Variants in ERN1 observed in about 807,000 individuals in gnomAD.
ERN1 encodes the protein serine/threonine-protein kinase/endoribonuclease IRE1.
ERN1 carries 39 observed loss-of-function variants against 113.1 expected under a neutral mutation model. The ratio of observed to expected loss-of-function variants is 0.34; its 90% CI spans 0.27 to 0.45. The LOEUF (loss-of-function observed/expected upper bound fraction) is 0.45. ERN1 is among the 20% of genes least tolerant of loss of function. ERN1 has a pLI of 1.00. For synonymous variants in ERN1, 507 were observed against 515.9 expected (o/e 0.98, Z 0.23); for missense variants, 976 against 1,274.8 (o/e 0.77, Z 3.57).
intron 11 of ERN1, among the ~76,000 whole-genome samples, chr17:64,058,556 G>A (rs1181584869): frequency 3.9e-5 from 6 of 152,168 alleles, no homozygotes; most frequent in African/African-American, 1.4e-4. Flanking sequence ...AGCATCAGAA[G>A]CGTTTGTTAA....
Position 64,067,941 on chromosome 17 carries a change from G to A in ERN1, c.580+249C>T, listed in dbSNP as rs577860262. 534 of 428,944 alleles carry A rather than the reference G, an allele frequency of 1.2e-3. 7 individuals are homozygous for A. The South Asian group carries it at 0.018, about 15-fold the overall frequency. 26.6% of individuals were successfully genotyped at this position (428,944 alleles called of 1,614,324 possible). ...CTTCTGTGACATAGAAAGACTCAACGAGGGATGTCCTCCTTCCTCTCTGGC... is the reference window on the plus strand; with the variant it reads ...CTTCTGTGACATAGAAAGACTCAACAAGGGATGTCCTCCTTCCTCTCTGGC... On this transcript the variant is annotated intron_variant, in intron 7 of 21. Transcript: ENST00000433197.
intron 12 of ERN1, 22 bp from the exon 13 acceptor site, chr17:64,055,970 C>A: frequency 6.6e-7 from 1 of 1,516,466 alleles, no homozygotes; most frequent in Non-Finnish European, 8.8e-7. Context: ...AACCCACATC[C>A]AGACAAGGGC....
intron 11 of ERN1, among the ~76,000 whole-genome samples, chr17:64,058,300 A>C (rs79103511): frequency 6.6e-6 from 1 of 152,136 alleles, no homozygotes; most frequent in Non-Finnish European, 1.5e-5. Context: ...AAAGGCAAAC[A>C]CTTCCTCCTT....
chr17:64,099,372 A>G (rs1364429927), intron 1 of ERN1, among the ~76,000 whole-genome samples: 2 of 151,870 alleles, frequency 1.3e-5, no homozygotes, highest in African/African-American at 4.8e-5. Flanking sequence ...GCACATGTAC[A>G]CACGGACGCA....
At position 64,063,953 on chromosome 17, in the gene ERN1, C is replaced by A; in HGVS notation, c.1087+33G>T. 1 of 1,606,744 alleles carries A rather than the reference C, an allele frequency of 6.2e-7. No individual in the cohort carries two copies. The highest frequency in any genetic ancestry group is 2.2e-5 in the East Asian group (1 of 44,828). ...CGCCCACCAGGAGGCAGCACGCTGT[C>A]ACCTCAGGCTACTGTGGGAGACCTG... On this transcript the variant is annotated intron_variant, in intron 10 of 21. Transcript: ENST00000433197. The surrounding 1 kb of genome is among the most constrained non-coding windows in gnomAD (Gnocchi z 5.1).
rs764093163 is a variant in ERN1, at chr17:64,053,379, A to G, written c.1954-8T>C. ...GTCCTTCTGCTCCACATACTGCAAA[A>G]GACATGACAGCAAGGTCACGGCACA... On this transcript the variant is annotated splice_polypyrimidine_tract_variant and splice_region_variant and intron_variant, in intron 15 of 21. Coordinates refer to ENST00000433197, the MANE Select transcript of ERN1 (RefSeq NM_001433.5). 3.8e-6 allele frequency: 6 copies of G among 1,587,048 alleles called. No homozygotes were observed. Among genetic ancestry groups the G allele is most frequent in the African/African-American group, 1.3e-5 (1 of 74,220 alleles).
chr17:64,068,286 T>C lies in ERN1; in HGVS notation c.484A>G (p.Thr162Ala). 1.2e-6 allele frequency: 2 copies of C among 1,610,918 alleles called. No homozygotes were observed. The highest frequency in any genetic ancestry group is 8.5e-7 in the Non-Finnish European group (1 of 1,178,404). The change falls in exon 7 of 22, where the codon ACC becomes GCC. Residue 162 changes from threonine (T) to alanine (A), a missense_variant. Physicochemically the swap from Thr to Ala is moderately conservative, Grantham distance 58. Coordinates refer to ENST00000433197, the MANE Select transcript of ERN1 (RefSeq NM_001433.5). The stretch of plus-strand genomic sequence containing the variant: ...GTTTTGGTGTCGTACATGGTGATGG[T>C]GTATTCTAAAGAACACAGACCAGCC... ...SLLYLGRTEY[T>A]ITMYDTKTRE...
intron 1 of ERN1, among the ~76,000 whole-genome samples, chr17:64,106,148 T>G (rs755075064): frequency 1.3e-5 from 2 of 152,220 alleles, no homozygotes; most frequent in South Asian, 4.1e-4. Context: ...TACTGGATGG[T>G]TGGCACAGAG....
At chr17:64,085,526 C>T (rs1244532775) in intron 2 of ERN1, among the ~76,000 whole-genome samples, 1 of 152,184 alleles carries the variant, frequency 6.6e-6, no homozygotes, top group Non-Finnish European at 1.5e-5. Context: ...CATTAGGCTC[C>T]ACCTCCATCA....
At position 64,129,965 on chromosome 17, in the gene ERN1, C is replaced by T. The variant is rs927756566; in HGVS notation, c.54+11G>A. 20 of 1,445,694 alleles carry T rather than the reference C, an allele frequency of 1.4e-5. No homozygotes were observed. Among genetic ancestry groups the T allele is most frequent in the African/African-American group, 8.9e-5 (6 of 67,466 alleles). The allele number at this position is 1,445,694 out of a possible 1,614,324, so 89.6% of individuals were successfully genotyped here. A position where few individuals can be genotyped will look rare whatever the true frequency, so the allele number is the denominator to read the frequency against. ...GAGCTGTCCTCCACCCCACGCTCCC[C>T]GGTCACTCACCCCGAGGCCGGGCAG... On this transcript the variant is annotated intron_variant, in intron 1 of 21. Transcript: ENST00000433197.
At chr17:64,094,402 T>C (rs753885886) in intron 2 of ERN1, among the ~76,000 whole-genome samples, 37 of 152,240 alleles carry the variant, frequency 2.4e-4, no homozygotes, top group Non-Finnish European at 4.7e-4. Flanking sequence ...TTGTTTTAGA[T>C]TACCAGTTCG....
At chr17:64,068,150 T>C in intron 7 of ERN1, 40 bp downstream of exon 7, 1 of 1,438,912 alleles carries the variant, frequency 6.9e-7, no homozygotes, top group Non-Finnish European at 9.6e-7. Context: ...AGGTCAAAAG[T>C]ACTGGCCCAA....
intron 5 of ERN1, among the ~76,000 whole-genome samples, chr17:64,074,642 T>C (rs975701166): frequency 6.6e-6 from 1 of 152,248 alleles, no homozygotes; most frequent in Non-Finnish European, 1.5e-5. Flanking sequence ...CAGCTCTCCT[T>C]TGTGTTGCAA....
intron 11 of ERN1, among the ~76,000 whole-genome samples, chr17:64,058,224 A>G (rs1912941819): frequency 6.6e-6 from 1 of 152,188 alleles, no homozygotes; most frequent in Non-Finnish European, 1.5e-5. Flanking sequence ...ATTCAAAAAT[A>G]GTTTTTGGAG....
Position 64,054,335 on chromosome 17 carries a change from G to A in ERN1, c.1868C>T (p.Pro623Leu), listed in dbSNP as rs370210153. ...CGTGCAGAAGTAGCGGATCACGTTC[G>A]GGTGCTCATCCGATTCTCGCAACAG... ...VQLLRESDEH[P>L]NVIRYFCTEK... Residue 623 changes from proline (P) to leucine (L), a missense_variant, in exon 15 of 22, where the codon CCG becomes CTG. Physicochemically the swap from Pro to Leu is moderately conservative, Grantham distance 98. This residue lies in a region of ERN1 where 297 missense variants were observed against 457.8 expected (regional missense o/e 0.65). Transcript: ENST00000433197. The surrounding 1 kb of genome is among the most constrained non-coding windows in gnomAD (Gnocchi z 4.9). 8 of 1,613,096 alleles carry A rather than the reference G, an allele frequency of 5.0e-6. No individual in the cohort carries two copies. The African/African-American group carries it at 5.3e-5, about 11-fold the overall frequency.
At position 64,045,430 on chromosome 17, in the gene ERN1, T is replaced by C. The variant is rs747462723; in HGVS notation, c.2582A>G (p.Gln861Arg). The C allele has an allele frequency of 6.2e-7, 1 of 1,613,992 alleles. No individual in the cohort carries two copies. Among genetic ancestry groups the C allele is most frequent in the African/African-American group, 1.3e-5 (1 of 75,046 alleles). Reference sequence around the variant, plus strand: ...CACGGCTCTCCCGCCTCTCTCTAACTGCTTCACGATCGGGCCATCCAGGGA... The same window carrying C: ...CACGGCTCTCCCGCCTCTCTCTAACCGCTTCACGATCGGGCCATCCAGGGA... Reference protein sequence around the residue: ...KESLDGPIVKQLERGGRAVVK... With the variant: ...KESLDGPIVKRLERGGRAVVK... The change falls in exon 20 of 22, where the codon CAG (glutamine) becomes CGG (arginine). Residue 861 changes from glutamine (Q) to arginine (R), a missense_variant. Gln to Arg is a conservative substitution (Grantham distance 43, BLOSUM62 1). Transcript: ENST00000433197.
chr17:64,085,160 G>T (rs942804368), intron 2 of ERN1, among the ~76,000 whole-genome samples: 1 of 152,214 alleles, frequency 6.6e-6, no homozygotes, highest in East Asian at 1.9e-4. Flanking sequence ...GAGTAATTAA[G>T]TGTCATTTCC....
At position 64,049,603 on chromosome 17, in the gene ERN1, C is replaced by T. The variant is rs188253037; in HGVS notation, c.2254-401G>A. Reference sequence around the variant, plus strand: ...GTGCTCACAGACAGGGTCTCTGTGTCGTTGCTTCCCTGCTGTACCCCCAGG... The same window carrying T: ...GTGCTCACAGACAGGGTCTCTGTGTTGTTGCTTCCCTGCTGTACCCCCAGG... On this transcript the variant is annotated intron_variant, in intron 17 of 21. Coordinates refer to ENST00000433197, the MANE Select transcript of ERN1 (RefSeq NM_001433.5). This position sits in a 1 kb window ranked among gnomAD's most constrained non-coding sequence, Gnocchi z 4.7. 3.5e-3 allele frequency among the ~76,000 whole-genome samples: 529 copies of T among 152,294 alleles called. 3 individuals are homozygous for T. Among genetic ancestry groups the T allele is most frequent in the South Asian group, 7.0e-3 (34 of 4,826 alleles).
intron 17 of ERN1, among the ~76,000 whole-genome samples, chr17:64,050,246 A>G (rs1283593285): frequency 2.0e-5 from 3 of 152,096 alleles, no homozygotes; most frequent in East Asian, 1.9e-4. Context: ...GAACATGGCC[A>G]CCACAGCTGG....
Sources: gnomAD v4.1 joint callset for allele counts (sites outside exome capture counted in the v4.1 genomes callset) on GRCh38, gnomAD v4.1.1 for gene constraint, gnomAD v4.1.1 regional missense constraint, Gnocchi (gnomAD v3.1) non-coding constraint, MANE v1.5 for transcripts, NCBI Gene and HGNC (gene_info 2026-07-23, HGNC 2026-07-21) for gene names.